The following KDM4C variants were observed in gnomAD, a reference collection of about 807,000 sequenced individuals.
KDM4C encodes the protein lysine-specific demethylase 4C.
A neutral mutation model predicts 129.3 loss-of-function variants in KDM4C; 81 were observed. That is an observed-to-expected ratio of 0.63 (90% CI 0.52 to 0.75). The LOEUF (loss-of-function observed/expected upper bound fraction) is 0.75, where lower values mean the gene tolerates loss of function less well. Among genes scored for constraint, KDM4C ranks in the 30% least tolerant of loss-of-function variants. KDM4C has a pLI of 0.00. For missense variants in KDM4C, 1,457 were observed against 1,304.0 expected, an observed-to-expected ratio of 1.12 and a Z score of -1.81; for synonymous variants, 573 against 456.1, an observed-to-expected ratio of 1.26 and a Z score of -3.26.
intron 4 of KDM4C, chr9:6,834,363 A>G (rs1588586878): frequency 3.2e-6 from 1 of 315,078 alleles, no homozygotes; most frequent in East Asian, 7.8e-5. Context: ...GATTTTAAAA[A>G]TCATCTTGTT....
rs762580709 is a variant in KDM4C at position 6,986,625 on chromosome 9, G to T, written c.1636G>T (p.Ala546Ser). Residue 546 changes from alanine to serine, a missense_variant, in exon 11 of 22, where the codon GCG becomes TCG. Transcript: ENST00000381309. The stretch of plus-strand genomic sequence containing the variant: ...TGGCCTTGAACCTGGGGAAATCCCA[G>T]CGGTCCCCAGTGGAGAGAGAAATAG... ...GNGLEPGEIP[A>S]VPSGERNSFK... 6.2e-7 allele frequency: 1 copy of T among 1,613,740 alleles called. No homozygotes were observed. The highest frequency in any genetic ancestry group is 8.5e-7 in the Non-Finnish European group (1 of 1,179,652).
chr9:6,957,785 T>C (rs1264726599), intron 8 of KDM4C, among the ~76,000 whole-genome samples: 3 of 152,186 alleles, frequency 2.0e-5, no homozygotes, highest in African/African-American at 7.2e-5. Flanking sequence ...ATCAGAGAGC[T>C]GGGTCTGCAT....
chr9:6,985,918 T>A (rs138061150), intron 10 of KDM4C, among the ~76,000 whole-genome samples: 1,949 of 152,334 alleles, frequency 0.013, 24 homozygotes, highest in Admixed American at 0.024. Context: ...CTTGAACTTC[T>A]GGCCTCAAGT....
chr9:6,960,627 G>A (rs187761728), intron 8 of KDM4C, among the ~76,000 whole-genome samples: 67 of 152,256 alleles, frequency 4.4e-4, no homozygotes, highest in African/African-American at 9.6e-4. Context: ...AAAGAGTGTC[G>A]TAGGGAGAAA....
chr9:6,739,481 A>G (rs747890522), intron 1 of KDM4C, among the ~76,000 whole-genome samples: 1 of 152,128 alleles, frequency 6.6e-6, no homozygotes, highest in Non-Finnish European at 1.5e-5. Flanking sequence ...TGTTTACACT[A>G]AGGCTTCACT....
intron 15 of KDM4C, among the ~76,000 whole-genome samples, chr9:7,038,725 A>C (rs1451798446): frequency 6.6e-6 from 1 of 152,054 alleles, no homozygotes; most frequent in Non-Finnish European, 1.5e-5. Context: ...GTGCATTTAA[A>C]TTTTAATGGA....
At chr9:7,155,747 C>A (rs527682716) in intron 19 of KDM4C, among the ~76,000 whole-genome samples, 57 of 152,282 alleles carry the variant, frequency 3.7e-4, no homozygotes, top group African/African-American at 1.0e-3. Context: ...TTTTCTTAAT[C>A]CAGTCTAACA....
At chr9:6,821,032 C>T (rs753715286) in intron 4 of KDM4C, among the ~76,000 whole-genome samples, 2 of 152,030 alleles carry the variant, frequency 1.3e-5, no homozygotes, top group Non-Finnish European at 2.9e-5. Flanking sequence ...CATCCATGTC[C>T]CTGCAAAGGA....
intron 17 of KDM4C, among the ~76,000 whole-genome samples, chr9:7,087,287 A>G (rs1835243774): frequency 6.6e-6 from 1 of 151,764 alleles, no homozygotes; most frequent in South Asian, 2.1e-4. Flanking sequence ...TTTTTTTTGA[A>G]AAAAGAAAAA....
intron 4 of KDM4C, among the ~76,000 whole-genome samples, chr9:6,848,943 A>G (rs1352652984): frequency 6.6e-6 from 1 of 152,248 alleles, no homozygotes; most frequent in African/African-American, 2.4e-5. Context: ...TACTGCCAAG[A>G]GTTTTTCCAA....
intron 12 of KDM4C, among the ~76,000 whole-genome samples, chr9:7,002,003 C>T (rs1389932925): frequency 6.6e-6 from 1 of 152,160 alleles, no homozygotes; most frequent in African/African-American, 2.4e-5. Flanking sequence ...AGTGATTCTC[C>T]TGCCTTAGCC....
intron 21 of KDM4C, among the ~76,000 whole-genome samples, chr9:7,171,302 C>T (rs1426926206): frequency 1.3e-5 from 2 of 152,056 alleles, no homozygotes; most frequent in Non-Finnish European, 1.5e-5. Flanking sequence ...ATTAAATATT[C>T]CTGTTGTAAA....
chr9:6,835,627 T>G, intron 4 of KDM4C: 1 of 818,632 alleles, frequency 1.2e-6, no homozygotes, highest in Non-Finnish European at 2.2e-6. Context: ...AAACCTGACT[T>G]GTGCAGAAAA....
chr9:7,074,921 C>T (rs1833717974), intron 17 of KDM4C, among the ~76,000 whole-genome samples: 1 of 152,122 alleles, frequency 6.6e-6, no homozygotes, highest in African/African-American at 2.4e-5. Flanking sequence ...TAGGAGTTTA[C>T]AAAGGTCTCA....
intron 1 of KDM4C, among the ~76,000 whole-genome samples, chr9:6,733,506 A>G (rs570787830): frequency 6.6e-6 from 1 of 152,270 alleles, no homozygotes; most frequent in African/African-American, 2.4e-5. Context: ...GGGCCATCTT[A>G]CTGCTGCTAA....
chr9:6,821,065 G>T (rs10124035), intron 4 of KDM4C, among the ~76,000 whole-genome samples: 33,053 of 151,952 alleles, frequency 0.22, 3,746 homozygotes, highest in Middle Eastern at 0.23. Context: ...CTTTTTTATG[G>T]CTACATAGTA....
intron 5 of KDM4C, among the ~76,000 whole-genome samples, chr9:6,861,018 A>G (rs1840828856): frequency 1.3e-5 from 2 of 152,238 alleles, no homozygotes; most frequent in Admixed American, 6.5e-5. Context: ...TTGTAAAAGC[A>G]TTTCCAGCAA....
intron 19 of KDM4C, among the ~76,000 whole-genome samples, chr9:7,164,120 G>T (rs1316676151): frequency 2.0e-5 from 3 of 152,138 alleles, no homozygotes; most frequent in African/African-American, 7.2e-5. Context: ...TAGCTTGATT[G>T]GTCAAGTGTG....
intron 8 of KDM4C, among the ~76,000 whole-genome samples, chr9:6,976,830 G>C (rs529130384): frequency 1.4e-5 from 2 of 142,230 alleles, no homozygotes; most frequent in South Asian, 4.7e-4. Flanking sequence ...TTTTTTTTTG[G>C]CATAAGTCAT....
Sources: gnomAD v4.1 joint callset for allele counts (sites outside exome capture counted in the v4.1 genomes callset) on GRCh38, gnomAD v4.1.1 for gene constraint, MANE v1.5 for transcripts, NCBI Gene and HGNC (gene_info 2026-07-23, HGNC 2026-07-21) for gene names.